The following CENPP variants were observed in gnomAD, a reference collection of about 807,000 sequenced individuals.
CENPP encodes centromere protein P.
A neutral mutation model predicts 35.6 loss-of-function variants in CENPP; 24 were observed. The observed-to-expected ratio is 0.67, with a 90% CI of 0.49 to 0.95. The LOEUF is 0.95. Among genes scored for constraint, CENPP ranks in the 40% least tolerant of loss-of-function variants. The pLI is 0.00. For missense variants in CENPP, 332 were observed against 345.3 expected (o/e 0.96, Z 0.31); for synonymous variants, 120 against 125.5 (o/e 0.96, Z 0.29).
chr9:92,546,636 T>C (rs1445796626), intron 5 of CENPP, among the ~76,000 whole-genome samples: 2 of 151,970 alleles, frequency 1.3e-5, no homozygotes, highest in Admixed American at 1.3e-4. Context: ...AGGAACAAAC[T>C]CTGGACACGC....
At chr9:92,574,701 C>T (rs775335435) in intron 5 of CENPP, among the ~76,000 whole-genome samples, 24 of 152,138 alleles carry the variant, frequency 1.6e-4, no homozygotes, top group Non-Finnish European at 3.4e-4. Flanking sequence ...TGATGTTTTT[C>T]GCAGAAATAG....
intron 5 of CENPP, among the ~76,000 whole-genome samples, chr9:92,562,127 CAGCT>C (rs1409105332): frequency 2.0e-5 from 3 of 151,942 alleles, no homozygotes; most frequent in Non-Finnish European, 4.4e-5. Context: ...GTTCAAATCT[CAGCT>C]AGGCCACTTG....
intron 5 of CENPP, among the ~76,000 whole-genome samples, chr9:92,483,856 C>T (rs979855194): frequency 6.6e-6 from 1 of 152,130 alleles, no homozygotes; most frequent in African/African-American, 2.4e-5. Flanking sequence ...CCAGGCAGCT[C>T]GGTAGTCCCA....
intron 5 of CENPP, chr9:92,527,939 G>A (rs1379683093): frequency 6.5e-6 from 1 of 153,800 alleles, no homozygotes; most frequent in African/African-American, 2.4e-5. Context: ...ATTCCTACTA[G>A]TTTGACAACT....
At chr9:92,594,561 T>A (rs1850732526) in intron 5 of CENPP, among the ~76,000 whole-genome samples, 2 of 152,240 alleles carry the variant, frequency 1.3e-5, no homozygotes, top group Non-Finnish European at 2.9e-5. Flanking sequence ...TTGCTGAGAC[T>A]TTTCATCGCC....
intron 4 of CENPP, among the ~76,000 whole-genome samples, chr9:92,351,154 A>C (rs1217824332): frequency 6.6e-6 from 1 of 152,210 alleles, no homozygotes; most frequent in Non-Finnish European, 1.5e-5. Flanking sequence ...TATGTTGTAC[A>C]ACCATCACCA....
intron 5 of CENPP, among the ~76,000 whole-genome samples, chr9:92,493,285 AC>A (rs1290136392): frequency 6.6e-6 from 1 of 152,216 alleles, no homozygotes; most frequent in African/African-American, 2.4e-5. Flanking sequence ...TCTGAAAACC[AC>A]TGATCTGTTC....
intron 5 of CENPP, among the ~76,000 whole-genome samples, chr9:92,601,284 T>G (rs1056835444): frequency 1.3e-5 from 2 of 152,216 alleles, no homozygotes; most frequent in African/African-American, 4.8e-5. Flanking sequence ...TCAAAAGATT[T>G]AAAAGTCAGG....
chr9:92,464,785 C>G, intron 5 of CENPP: 1 of 751,732 alleles, frequency 1.3e-6, no homozygotes, highest in Non-Finnish European at 2.4e-6. Flanking sequence ...TGTGTGTAGA[C>G]TATATTGACC....
intron 5 of CENPP, among the ~76,000 whole-genome samples, chr9:92,603,168 C>T (rs1019567171): frequency 6.6e-6 from 1 of 152,214 alleles, no homozygotes; most frequent in Non-Finnish European, 1.5e-5. Flanking sequence ...CAATCAACAG[C>T]TAAGTGGGCT....
At chr9:92,445,545 T>C (rs1320386938) in intron 5 of CENPP, among the ~76,000 whole-genome samples, 4 of 152,178 alleles carry the variant, frequency 2.6e-5, no homozygotes, top group Non-Finnish European at 5.9e-5. Flanking sequence ...ATGAATTGTA[T>C]ACTTTAAAGG....
intron 4 of CENPP, among the ~76,000 whole-genome samples, chr9:92,368,410 A>G (rs1368100361): frequency 6.6e-6 from 1 of 152,236 alleles, no homozygotes; most frequent in Non-Finnish European, 1.5e-5. Context: ...CTCAGCCTGT[A>G]TTCTAGCTTC....
rs888840109 is a variant in CENPP at position 92,567,369 on chromosome 9, G to GATATATATATATAT, written c.565-43942_565-43941insTATATATATATATA. On this transcript the variant is annotated intron_variant, in intron 5 of 7. Coordinates refer to ENST00000375587, the MANE Select transcript of CENPP (RefSeq NM_001012267.3). ...ATTTATGGGGTATACAGTTACATAA[G>GATATATATATATAT]ATAGATATATATATATATATATATA... Among the ~76,000 whole-genome samples the GATATATATATATAT allele has an allele frequency of 1.9e-3, 202 of 104,022 alleles. 1 individual carries two copies. Among genetic ancestry groups the GATATATATATATAT allele is most frequent in the South Asian group, 6.8e-3 (17 of 2,496 alleles). 68.2% of individuals were successfully genotyped at this position (104,022 alleles called of 152,430 possible). A position where few individuals can be genotyped will look rare whatever the true frequency, so the allele number is the denominator to read the frequency against.
At chr9:92,594,194 G>A (rs772281668) in intron 5 of CENPP, among the ~76,000 whole-genome samples, 1 of 152,158 alleles carries the variant, frequency 6.6e-6, no homozygotes, top group Non-Finnish European at 1.5e-5. Context: ...CCAGGTGAGG[G>A]TCTTGGAGGA....
chr9:92,512,070 T>A, intron 5 of CENPP: 1 of 1,613,920 alleles, frequency 6.2e-7, no homozygotes, highest in Non-Finnish European at 8.5e-7. Context: ...AGATCAAGCC[T>A]TTCCAAATTT....
At chr9:92,511,659 C>A (rs1381911528) in intron 5 of CENPP, among the ~76,000 whole-genome samples, 1 of 152,094 alleles carries the variant, frequency 6.6e-6, no homozygotes, top group Non-Finnish European at 1.5e-5. Context: ...AAAATGTTAA[C>A]AGAGGTTCCA....
chr9:92,425,044 T>G (rs1354527175), intron 5 of CENPP, among the ~76,000 whole-genome samples: 1 of 152,250 alleles, frequency 6.6e-6, no homozygotes, highest in Non-Finnish European at 1.5e-5. Context: ...TTCTATTTGT[T>G]AAAACAAGAA....
In CENPP at chr9:92,470,592, CAT is replaced by C. The variant is rs1845474890; in HGVS notation, c.564+90735_564+90736del. 8.1e-6 allele frequency: 6 copies of C among 739,900 alleles called. No homozygotes were observed. In the East Asian group the frequency reaches 1.8e-4, roughly 22 times the overall value. The allele number at this position is 739,900 out of a possible 1,614,324, so 45.8% of individuals were successfully genotyped here. ...GAAAAGTAAGACTTGTTTATACTAA[CAT>C]AGTATAATTAATCATTATAGCAAAG... On this transcript the variant is annotated intron_variant, in intron 5 of 7. Coordinates refer to ENST00000375587, the MANE Select transcript of CENPP (RefSeq NM_001012267.3).
At chr9:92,569,451 A>G (rs905237398) in intron 5 of CENPP, among the ~76,000 whole-genome samples, 8 of 152,052 alleles carry the variant, frequency 5.3e-5, no homozygotes, top group Non-Finnish European at 1.0e-4. Flanking sequence ...TCTCTGTTTT[A>G]GTACCAGTAC....
Sources: gnomAD v4.1 joint callset for allele counts (sites outside exome capture counted in the v4.1 genomes callset) on GRCh38, gnomAD v4.1.1 for gene constraint, MANE v1.5 for transcripts, NCBI Gene and HGNC (gene_info 2026-07-23, HGNC 2026-07-21) for gene names.